The following AGTPBP1 variants were observed in gnomAD, a reference collection of about 807,000 sequenced individuals.
AGTPBP1 encodes ATP/GTP binding carboxypeptidase 1.
In AGTPBP1, 70 loss-of-function variants were observed where a neutral mutation model predicts 143.9. That is an observed-to-expected ratio of 0.49 (90% CI 0.40 to 0.59). The LOEUF (loss-of-function observed/expected upper bound fraction) is 0.59, where lower values mean the gene tolerates loss of function less well. Among genes scored for constraint, AGTPBP1 ranks in the 20% least tolerant of loss-of-function variants. The pLI, the probability that AGTPBP1 is intolerant of heterozygous loss-of-function variation, is 0.00. For synonymous variants in AGTPBP1, 463 were observed against 500.2 expected (o/e 0.93, Z 0.99); for missense variants, 1,229 against 1,464.5 (o/e 0.84, Z 2.62).
At chr9:85,627,601 C>A (rs1322612110) in intron 14 of AGTPBP1, among the ~76,000 whole-genome samples, 1 of 152,138 alleles carries the variant, frequency 6.6e-6, no homozygotes, top group Admixed American at 6.5e-5. Flanking sequence ...ACTCAGTTGA[C>A]CCCTGAACAA....
rs773240644 is a variant in AGTPBP1 at position 85,677,473 on chromosome 9, T to C, written c.399A>G (p.Val133=). 8 of 1,606,754 alleles carry C rather than the reference T, an allele frequency of 5.0e-6. No homozygotes were observed. Among genetic ancestry groups the C allele is most frequent in the Non-Finnish European group, 5.9e-6 (7 of 1,176,860 alleles). Residue 133 remains valine, a synonymous_variant, in exon 6 of 26, where the codon GTA becomes GTG. Transcript: ENST00000357081. ...TCTTTGCAAGAATAGAATGAATCTG[T>C]ACCATTAAGTCCTCATGTGGGGGAG... The part of the protein sequence containing the change: ...KESPPHEDLM[V]QIHSILAKIG...
chr9:85,646,561 G>T, intron 11 of AGTPBP1, 143 bp from the exon 12 acceptor site: 1 of 615,424 alleles, frequency 1.6e-6, no homozygotes. Context: ...TCTCTCTAAG[G>T]CTGTCCCAGC....
intron 25 of AGTPBP1, among the ~76,000 whole-genome samples, chr9:85,566,481 G>GA (rs1424147186): frequency 6.1e-5 from 8 of 130,484 alleles, no homozygotes; most frequent in Admixed American, 9.0e-5. Flanking sequence ...AGTGAACTAT[G>GA]ATCATGCCAC....
chr9:85,611,578 C>T (rs1174969178), intron 17 of AGTPBP1, among the ~76,000 whole-genome samples: 1 of 151,890 alleles, frequency 6.6e-6, no homozygotes, highest in Non-Finnish European at 1.5e-5. Context: ...AGAAACACAA[C>T]ATAATTGAAA....
At chr9:85,647,075 C>T (rs560241259) in intron 11 of AGTPBP1, among the ~76,000 whole-genome samples, 2 of 152,084 alleles carry the variant, frequency 1.3e-5, no homozygotes, top group Non-Finnish European at 2.9e-5. Context: ...GTTGGGAGTT[C>T]GAGACTGGCC....
rs577202648 is a variant in AGTPBP1 at position 85,632,993 on chromosome 9, G to A, written c.1684C>T (p.Leu562Phe). 6.2e-7 allele frequency: 1 copy of A among 1,614,122 alleles called. No homozygotes were observed. Among genetic ancestry groups the A allele is most frequent in the Admixed American group, 1.7e-5 (1 of 60,016 alleles). Residue 562 changes from leucine (L) to phenylalanine (F), a missense_variant, in exon 14 of 26, where the codon CTT becomes TTT. Physicochemically the swap from Leu to Phe is conservative, Grantham distance 22 (BLOSUM62 0). Around this residue, in one of 2 missense-constraint regions of AGTPBP1, gnomAD observed 743 missense variants for 812.2 expected, o/e 0.91. Coordinates refer to ENST00000357081, the MANE Select transcript of AGTPBP1 (RefSeq NM_001330701.2). ...GCTTTAGCACAGGTAAGGACAGTAA[G>A]AGGAAGACTGCAGTCCTTCTTCATT... ...AEMKKDCSLP[L>F]TVLTCAKACP... is the part of the protein sequence containing the mutation.
intron 1 of AGTPBP1, among the ~76,000 whole-genome samples, chr9:85,731,785 C>T (rs1012502013): frequency 6.6e-6 from 1 of 152,242 alleles, no homozygotes; most frequent in African/African-American, 2.4e-5. Context: ...AATCTTCAAA[C>T]AGGAAAATTG....
chr9:85,802,345 C>T, the AGTPBP1 span, among the ~76,000 whole-genome samples: 1 of 152,090 alleles, frequency 6.6e-6, no homozygotes, highest in Non-Finnish European at 1.5e-5. Flanking sequence ...CCCTTATCTT[C>T]CCCTTATACT....
chr9:85,607,964 A>T (rs1587727622), intron 17 of AGTPBP1, among the ~76,000 whole-genome samples: 1 of 152,150 alleles, frequency 6.6e-6, no homozygotes, highest in Admixed American at 6.5e-5. Context: ...ATTCAGATTC[A>T]GGTGGCTGCC....
the AGTPBP1 span, among the ~76,000 whole-genome samples, chr9:85,766,043 A>G: frequency 6.6e-6 from 1 of 151,976 alleles, no homozygotes; most frequent in South Asian, 2.1e-4. Flanking sequence ...AAGACATGAG[A>G]GCCTAAGATA....
chr9:85,571,818 C>G (rs1827484048), intron 25 of AGTPBP1, among the ~76,000 whole-genome samples: 1 of 151,974 alleles, frequency 6.6e-6, no homozygotes, highest in Non-Finnish European at 1.5e-5. Flanking sequence ...TCAAAAGCAT[C>G]AGGATACAGA....
the AGTPBP1 span, among the ~76,000 whole-genome samples, chr9:85,759,574 G>A: frequency 0.058 from 8,751 of 151,892 alleles, 240 homozygotes; most frequent in Non-Finnish European, 0.064. Context: ...TGAAACCAAC[G>A]AGAACAAAGA....
chr9:85,675,644 C>A (rs1174282020), intron 6 of AGTPBP1, among the ~76,000 whole-genome samples: 2 of 152,268 alleles, frequency 1.3e-5, no homozygotes, highest in South Asian at 4.2e-4. Flanking sequence ...CACTTGTGAC[C>A]CAAAACTTTT....
chr9:85,562,383 T>C (rs1826797311), intron 25 of AGTPBP1, among the ~76,000 whole-genome samples: 1 of 152,160 alleles, frequency 6.6e-6, no homozygotes, highest in Non-Finnish European at 1.5e-5. Flanking sequence ...CATATTTAAA[T>C]ATAAAGACAC....
At chr9:85,732,195 C>T (rs1321649298) in intron 1 of AGTPBP1, among the ~76,000 whole-genome samples, 2 of 150,606 alleles carry the variant, frequency 1.3e-5, no homozygotes. Context: ...CTGCCTCTAA[C>T]CTATGACTAT....
At chr9:85,662,081 G>A (rs1247936759) in intron 8 of AGTPBP1, among the ~76,000 whole-genome samples, 1 of 152,120 alleles carries the variant, frequency 6.6e-6, no homozygotes, top group Non-Finnish European at 1.5e-5. Flanking sequence ...AGTAAAAGTT[G>A]CATACATCAG....
the AGTPBP1 span, among the ~76,000 whole-genome samples, chr9:85,783,861 G>A: frequency 6.6e-6 from 1 of 152,182 alleles, no homozygotes; most frequent in African/African-American, 2.4e-5. Context: ...CTGACCTCAG[G>A]TGATCCACCA....
chr9:85,592,494 TA>T, intron 19 of AGTPBP1, 65 bp downstream of exon 19: 2 of 1,164,836 alleles, frequency 1.7e-6, no homozygotes, highest in South Asian at 3.8e-5. Flanking sequence ...AATATTTAAC[TA>T]AACTCAATTT....
chr9:85,791,104 G>GCTGAT, the AGTPBP1 span, among the ~76,000 whole-genome samples: 1 of 152,126 alleles, frequency 6.6e-6, no homozygotes, highest in South Asian at 2.1e-4. Context: ...GATCAGCCAG[G>GCTGAT]CACGGTGGCT....
Sources: gnomAD v4.1 joint callset for allele counts (sites outside exome capture counted in the v4.1 genomes callset) on GRCh38, gnomAD v4.1.1 for gene constraint, gnomAD v4.1.1 regional missense constraint, MANE v1.5 for transcripts, NCBI Gene and HGNC (gene_info 2026-07-23, HGNC 2026-07-21) for gene names.